IQCK: variants seen among roughly 807,000 people sequenced by gnomAD.
IQCK encodes the protein IQ motif containing K.
Under a neutral mutation model 28.1 loss-of-function variants are expected in IQCK, and 29 were observed. The observed-to-expected ratio is 1.03, with a 90% CI of 0.77 to 1.41. The LOEUF is 1.41. IQCK is among the 40% of genes most tolerant of loss of function. The probability of loss-of-function intolerance (pLI) is 0.00; values close to 1 mark genes in which losing one functional copy is unlikely to be tolerated. For synonymous variants in IQCK, 113 were observed against 115.1 expected (o/e 0.98, Z 0.12); for missense variants, 359 against 314.7 (o/e 1.14, Z -1.07).
At chr16:19,761,474 A>G in intron 4 of IQCK, 1 of 452,484 alleles carries the variant, frequency 2.2e-6, no homozygotes, top group Non-Finnish European at 4.4e-6. Context: ...GATTTCCAGG[A>G]CACTTTGTAG....
downstream of IQCK, among the ~76,000 whole-genome samples, chr16:19,829,378 C>T (rs1252542300): frequency 6.6e-6 from 1 of 151,764 alleles, no homozygotes; most frequent in Non-Finnish European, 1.5e-5. Context: ...GCTCTGTCAC[C>T]CAGGCTGGAG....
intron 2 of IQCK, among the ~76,000 whole-genome samples, chr16:19,731,314 A>G (rs1025223121): frequency 3.9e-5 from 6 of 152,186 alleles, no homozygotes; most frequent in African/African-American, 1.4e-4. Context: ...TTTAAAAAGC[A>G]AGGCTCTGAG....
intron 6 of IQCK, among the ~76,000 whole-genome samples, chr16:19,770,859 G>T (rs1489125054): frequency 6.6e-6 from 1 of 152,138 alleles, no homozygotes; most frequent in African/African-American, 2.4e-5. Context: ...CTGGCCTCAA[G>T]TGATCCACCT....
exon 1 of IQCK, chr16:19,718,388 C>T: frequency 6.2e-7 from 1 of 1,606,312 alleles, no homozygotes; most frequent in Non-Finnish European, 8.5e-7. Context: ...CACCCGGACG[C>T]CGGTGCCCAC....
intron 6 of IQCK, among the ~76,000 whole-genome samples, chr16:19,775,706 A>C (rs1448888815): frequency 6.6e-6 from 1 of 152,160 alleles, no homozygotes; most frequent in Non-Finnish European, 1.5e-5. Flanking sequence ...AAAAGAATGT[A>C]GGAGGTCCCT....
chr16:19,851,591 G>A (rs2056482879), intron 9 of IQCK, among the ~76,000 whole-genome samples: 1 of 152,162 alleles, frequency 6.6e-6, no homozygotes, highest in African/African-American at 2.4e-5. Flanking sequence ...GATGTACTGA[G>A]TCTTATTAGT....
At chr16:19,822,088 A>C (rs979863018) in intron 7 of IQCK, among the ~76,000 whole-genome samples, 1 of 149,780 alleles carries the variant, frequency 6.7e-6, no homozygotes, top group Non-Finnish European at 1.5e-5. Flanking sequence ...AAAAAACAAA[A>C]AAAAAAACAA....
chr16:19,781,775 G>C (rs1301091823), intron 6 of IQCK, among the ~76,000 whole-genome samples: 1 of 151,950 alleles, frequency 6.6e-6, no homozygotes, highest in East Asian at 1.9e-4. Context: ...GATCACTTGA[G>C]GTCAGGAGTT....
At chr16:19,822,385 C>CAAA (rs1216507836) in intron 7 of IQCK, among the ~76,000 whole-genome samples, 12 of 61,082 alleles carry the variant, frequency 2.0e-4, no homozygotes, top group Admixed American at 6.8e-4. Flanking sequence ...GACTCTGTCT[C>CAAA]AAAAAAAAAA....
intron 7 of IQCK, among the ~76,000 whole-genome samples, chr16:19,813,870 G>GT (rs2055939985): frequency 6.6e-6 from 1 of 151,960 alleles, no homozygotes; most frequent in Admixed American, 6.6e-5. Context: ...CTTTTGTTTT[G>GT]TTTTGTTTTG....
intron 1 of IQCK, among the ~76,000 whole-genome samples, chr16:19,724,188 A>C (rs1044936399): frequency 4.0e-5 from 6 of 151,872 alleles, no homozygotes; most frequent in African/African-American, 9.7e-5. Context: ...CTTCTCATTT[A>C]TCTCTCTAGA....
chr16:19,761,672 A>C (rs1180581473), intron 4 of IQCK: 1 of 289,624 alleles, frequency 3.5e-6, no homozygotes, highest in African/African-American at 2.2e-5. Context: ...AATAGAAGAC[A>C]GGATATCTGG....
At chr16:19,732,682 C>T (rs1169544100) in intron 2 of IQCK, among the ~76,000 whole-genome samples, 1 of 152,042 alleles carries the variant, frequency 6.6e-6, no homozygotes, top group Non-Finnish European at 1.5e-5. Flanking sequence ...AGGCTGGTCT[C>T]AAACTCCTAG....
At chr16:19,735,563 G>C in intron 4 of IQCK, 113 bp downstream of exon 4, 1 of 863,544 alleles carries the variant, frequency 1.2e-6, no homozygotes, top group South Asian at 1.5e-5. Context: ...ACCCCTTCGG[G>C]AGGGAAAGCC....
At chr16:19,764,058 A>T in exon 6 of IQCK, 1 of 1,614,088 alleles carries the variant, frequency 6.2e-7, no homozygotes, top group Non-Finnish European at 8.5e-7. Context: ...AGGGCAGGGG[A>T]GCCATTCACA....
At chr16:19,809,745 C>G (rs553423320) in intron 7 of IQCK, among the ~76,000 whole-genome samples, 1 of 152,264 alleles carries the variant, frequency 6.6e-6, no homozygotes, top group Admixed American at 6.5e-5. Flanking sequence ...CGACTTTAGC[C>G]CACATCATAA....
At chr16:19,778,884 G>A (rs1458954693) in intron 6 of IQCK, among the ~76,000 whole-genome samples, 1 of 152,120 alleles carries the variant, frequency 6.6e-6, no homozygotes, top group Non-Finnish European at 1.5e-5. Context: ...AAGGGACTTT[G>A]CATATGTGAT....
chr16:19,746,394 A>T (rs1466601884), intron 4 of IQCK, among the ~76,000 whole-genome samples: 2 of 152,108 alleles, frequency 1.3e-5, no homozygotes, highest in East Asian at 1.9e-4. Context: ...TATTGACTGT[A>T]GTTACCCTGT....
exon 10 of IQCK, chr16:19,857,437 T>C (rs1437109495): frequency 2.3e-6 from 1 of 441,100 alleles, no homozygotes; most frequent in East Asian, 7.1e-5. Flanking sequence ...GAAATTTCTT[T>C]AACTTCTTTT....
Sources: gnomAD v4.1 joint callset for allele counts (sites outside exome capture counted in the v4.1 genomes callset) on GRCh38, gnomAD v4.1.1 for gene constraint, MANE v1.5 for transcripts, NCBI Gene and HGNC (gene_info 2026-07-23, HGNC 2026-07-21) for gene names.